AFF3: variants seen among roughly 807,000 people sequenced by gnomAD.
The protein encoded by AFF3 is ALF transcription elongation factor 3, also known as AF4/FMR2 family member 3.
AFF3 carries 32 observed loss-of-function variants against 129.7 expected under a neutral mutation model. The observed-to-expected ratio is 0.25, with a 90% CI of 0.19 to 0.33. The LOEUF is 0.33. AFF3 is among the 10% of genes least tolerant of loss of function. The pLI is 1.00. For synonymous variants in AFF3, 644 were observed against 635.4 expected (o/e 1.01, Z -0.20); for missense variants, 1,373 against 1,592.0 (o/e 0.86, Z 2.34).
intron 4 of AFF3, among the ~76,000 whole-genome samples, chr2:100,092,167 A>G (rs1027257611): frequency 1.3e-5 from 2 of 152,166 alleles, no homozygotes; most frequent in Admixed American, 1.3e-4. Flanking sequence ...GGGCATTTAC[A>G]CGCAATACAT....
At position 100,008,912 on chromosome 2, in the gene AFF3, T is replaced by TTTC. The variant is rs1455559441; in HGVS notation, c.71_73dup (p.Arg24dup). On this transcript the variant is annotated inframe_insertion, in exon 5 of 25. Transcript: ENST00000672756. Reference sequence around the variant, plus strand: ...TTCTCGTTCTTTCCTCCGTAATGCATTTCTATCTGGTTCATAGACACTGCA... The same window carrying TTTC: ...TTCTCGTTCTTTCCTCCGTAATGCATTTCTTCTATCTGGTTCATAGACACTGCA... 6.2e-7 allele frequency: 1 copy of TTTC among 1,613,922 alleles called. No individual in the cohort carries two copies. Among genetic ancestry groups the TTTC allele is most frequent in the Non-Finnish European group, 8.5e-7 (1 of 1,179,970 alleles).
Position 99,698,316 on chromosome 2 carries a change from G to C in AFF3, c.1092-25727C>G, listed in dbSNP as rs1676503834. 2.0e-5 allele frequency among the ~76,000 whole-genome samples: 3 copies of C among 152,282 alleles called. No homozygotes were observed. The South Asian group carries it at 6.2e-4, about 32-fold the overall frequency. On this transcript the variant is annotated intron_variant, in intron 11 of 24. Coordinates refer to ENST00000672756, the MANE Select transcript of AFF3 (RefSeq NM_001386135.1). ...ATGAGTAAGTATTAGGGCCAAGCTG[G>C]TATCTGCAGAGTGCTGACTGGCCAA...
Position 99,837,604 on chromosome 2 carries a change from T to TA in AFF3, c.874-81_874-80insT, listed in dbSNP as rs943807483. On this transcript the variant is annotated intron_variant, in intron 7 of 24. Transcript: ENST00000672756. ...GAAGACATGCAAGGTTCCAAATTAG[T>TA]CCCCCCCAACAAAAAAATTCAGCGA... 22 of 1,320,018 alleles carry TA rather than the reference T, an allele frequency of 1.7e-5. No homozygotes were observed. The Admixed American group carries it at 2.7e-4, about 16-fold the overall frequency. 81.8% of individuals were successfully genotyped at this position (1,320,018 alleles called of 1,614,324 possible).
chr2:99,781,417 G>A (rs561781271), intron 8 of AFF3, among the ~76,000 whole-genome samples: 2 of 152,302 alleles, frequency 1.3e-5, no homozygotes, highest in East Asian at 1.9e-4. Flanking sequence ...TAAACATCAT[G>A]AGAATAGGAA....
chr2:99,565,344 C>T (rs747840518), intron 20 of AFF3, 143 bp downstream of exon 20: 129 of 1,223,898 alleles, frequency 1.1e-4, no homozygotes, highest in Non-Finnish European at 1.3e-4. Flanking sequence ...ACGCCTTGCA[C>T]GACCTTACCC....
In AFF3 at chr2:99,593,617, C is replaced by T; in HGVS notation, c.2044G>A (p.Glu682Lys). The T allele has an allele frequency of 6.2e-7, 1 of 1,611,256 alleles. No homozygotes were observed. The highest frequency in any genetic ancestry group is 8.5e-7 in the Non-Finnish European group (1 of 1,178,560). The change falls in exon 15 of 25, where the codon GAG (glutamate) becomes AAG (lysine). Residue 682 changes from glutamate to lysine, a missense_variant. Coordinates refer to ENST00000672756, the MANE Select transcript of AFF3 (RefSeq NM_001386135.1). ...AGAGGGTACTCCTCCTGCTCGGACTCCAGGTCGGAGTCCGAGGAGGAGGAT... is the reference window on the plus strand; with the variant it reads ...AGAGGGTACTCCTCCTGCTCGGACTTCAGGTCGGAGTCCGAGGAGGAGGAT... ...SSSSSSDSDL[E>K]SEQEEYPLSK... is the part of the protein sequence containing the mutation.
At chr2:99,710,391 G>A (rs577460679) in intron 11 of AFF3, among the ~76,000 whole-genome samples, 1 of 151,972 alleles carries the variant, frequency 6.6e-6, no homozygotes, top group Non-Finnish European at 1.5e-5. Context: ...CAAGTAGCTG[G>A]GATTACAGGC....
chr2:99,803,356 C>T (rs767395070), intron 8 of AFF3, among the ~76,000 whole-genome samples: 1 of 152,000 alleles, frequency 6.6e-6, no homozygotes, highest in Non-Finnish European at 1.5e-5. Flanking sequence ...AGGATTTTTG[C>T]ACTTATGTTC....
intron 24 of AFF3, among the ~76,000 whole-genome samples, chr2:99,552,924 C>T (rs983185120): frequency 6.6e-6 from 1 of 152,094 alleles, no homozygotes; most frequent in Admixed American, 6.6e-5. Context: ...AACTGCTAAG[C>T]GCTTTTCTTT....
intron 7 of AFF3, among the ~76,000 whole-genome samples, chr2:99,975,443 G>T (rs760554793): frequency 7.8e-4 from 118 of 152,236 alleles, no homozygotes; most frequent in Non-Finnish European, 1.5e-3. Flanking sequence ...AAATCTATGG[G>T]TGCCAACATT....
chr2:100,072,534 TG>T (rs1688274149), intron 4 of AFF3, among the ~76,000 whole-genome samples: 1 of 152,174 alleles, frequency 6.6e-6, no homozygotes, highest in African/African-American at 2.4e-5. Flanking sequence ...TGAGTTGGGC[TG>T]GGGCAGGCTT....
At chr2:99,704,263 T>C (rs1313678849) in intron 11 of AFF3, among the ~76,000 whole-genome samples, 1 of 152,212 alleles carries the variant, frequency 6.6e-6, no homozygotes, top group Non-Finnish European at 1.5e-5. Flanking sequence ...TTTACCATTT[T>C]CTTTCTGGTG....
intron 8 of AFF3, among the ~76,000 whole-genome samples, chr2:99,823,952 G>T (rs569221183): frequency 4.9e-4 from 75 of 151,982 alleles, no homozygotes; most frequent in Non-Finnish European, 8.8e-4. Context: ...ACTACCAAAC[G>T]GCAGGGGCTG....
intron 20 of AFF3, among the ~76,000 whole-genome samples, chr2:99,563,810 C>CAAAAAAAAAAA (rs34843347): frequency 1.3e-5 from 1 of 76,074 alleles, no homozygotes; most frequent in African/African-American, 5.3e-5. Context: ...AATTTAGTCT[C>CAAAAAAAAAAA]AAAAAAAAAA....
chr2:100,006,904 C>G lies in AFF3; in HGVS notation c.601G>C (p.Ala201Pro), dbSNP rs199949877. Reference sequence around the variant, plus strand: ...CTGCTGCTGTGCTTGGCCGCCATGGCAGGTGGCCTCTCCTGGGTCTGAAGG... The same window carrying G: ...CTGCTGCTGTGCTTGGCCGCCATGGGAGGTGGCCTCTCCTGGGTCTGAAGG... ...VGLQTQERPP[A>P]MAAKHSSSGH... The change falls in exon 7 of 25, where the codon GCC (alanine) becomes CCC (proline). Residue 201 changes from alanine to proline, a missense_variant. By Grantham distance (27) the Ala-to-Pro change is conservative. Coordinates refer to ENST00000672756, the MANE Select transcript of AFF3 (RefSeq NM_001386135.1). 22 of 1,614,158 alleles carry G rather than the reference C, an allele frequency of 1.4e-5. No homozygotes were observed. In the East Asian group the frequency reaches 4.5e-4, roughly 33 times the overall value.
chr2:100,058,441 A>AT (rs1208361324), intron 4 of AFF3, among the ~76,000 whole-genome samples: 1 of 152,228 alleles, frequency 6.6e-6, no homozygotes, highest in Non-Finnish European at 1.5e-5. Context: ...TAGAAAAAAA[A>AT]ATATATAAAC....
At chr2:99,982,050 G>A (rs1679451229) in intron 7 of AFF3, among the ~76,000 whole-genome samples, 1 of 152,168 alleles carries the variant, frequency 6.6e-6, no homozygotes, top group African/African-American at 2.4e-5. Context: ...TTCCTGCACA[G>A]GGCTCTTCCT....
At chr2:100,105,139 C>T (rs1424992400) in intron 3 of AFF3, 1 of 204,288 alleles carries the variant, frequency 4.9e-6, no homozygotes, top group Non-Finnish European at 8.7e-6. Flanking sequence ...CCTGTCGCAT[C>T]CCTCGGCCGC....
At chr2:99,843,304 T>C (rs548475580) in intron 7 of AFF3, among the ~76,000 whole-genome samples, 47 of 152,324 alleles carry the variant, frequency 3.1e-4, no homozygotes, top group African/African-American at 1.1e-3. Context: ...GTCTCACACC[T>C]AACCTGTACC....
Sources: gnomAD v4.1 joint callset for allele counts (sites outside exome capture counted in the v4.1 genomes callset) on GRCh38, gnomAD v4.1.1 for gene constraint, MANE v1.5 for transcripts, NCBI Gene and HGNC (gene_info 2026-07-23, HGNC 2026-07-21) for gene names.